RCAN2: variants seen among roughly 807,000 people sequenced by gnomAD.
RCAN2 encodes calcipressin-2.
In RCAN2, 9 loss-of-function variants were observed where a neutral mutation model predicts 23.6. That is an observed-to-expected ratio of 0.38 (90% confidence interval 0.23 to 0.67). RCAN2 has a LOEUF of 0.67. Among genes scored for constraint, RCAN2 ranks in the 30% least tolerant of loss-of-function variants. The pLI is 0.51. For synonymous variants in RCAN2, 109 were observed against 115.7 expected (o/e 0.94, Z 0.37); for missense variants, 273 against 302.3 (o/e 0.90, Z 0.72).
rs1251691738 is a variant in RCAN2, at chr6:46,220,833, A to AAAG, written c.*2305_*2307dup. ...AATCTTCCCCTTCCCCTTCATTGTTAAAGTTTTCAAACTTAAAATAGTGCT... is the reference window on the plus strand; with the variant it reads ...AATCTTCCCCTTCCCCTTCATTGTTAAAGAAGTTTTCAAACTTAAAATAGTGCT... On this transcript the variant is annotated 3_prime_UTR_variant, in exon 5 of 5. Coordinates refer to ENST00000371374, the MANE Select transcript of RCAN2 (RefSeq NM_001251974.2). 1.0e-4 allele frequency: 16 copies of AAAG among 152,694 alleles called. No homozygotes were observed. Among genetic ancestry groups the AAAG allele is most frequent in the Non-Finnish European group, 2.1e-4 (14 of 68,040 alleles). 9.5% of individuals were successfully genotyped at this position (152,694 alleles called of 1,614,324 possible).
At chr6:46,302,310 G>T (rs1022168386) in intron 2 of RCAN2, among the ~76,000 whole-genome samples, 49 of 152,106 alleles carry the variant, frequency 3.2e-4, no homozygotes, top group African/African-American at 1.1e-3. Context: ...TTTTGGCCAT[G>T]TTAAGTATGA....
chr6:46,450,012 A>G (rs1409806522), intron 2 of RCAN2, among the ~76,000 whole-genome samples: 1 of 151,936 alleles, frequency 6.6e-6, no homozygotes, highest in East Asian at 1.9e-4. Context: ...GAAACAATCA[A>G]TGGAGAAAAT....
At chr6:46,306,545 T>C (rs1763075228) in intron 2 of RCAN2, among the ~76,000 whole-genome samples, 1 of 152,152 alleles carries the variant, frequency 6.6e-6, no homozygotes, top group Non-Finnish European at 1.5e-5. Context: ...TTACATCACA[T>C]ATTGAAAGTC....
chr6:46,416,767 C>T (rs1766727781), intron 2 of RCAN2, among the ~76,000 whole-genome samples: 1 of 152,096 alleles, frequency 6.6e-6, no homozygotes, highest in South Asian at 2.1e-4. Flanking sequence ...AGCGATCCGC[C>T]CACCTTGGCC....
At chr6:46,249,137 T>C (rs2150318577) in intron 2 of RCAN2, among the ~76,000 whole-genome samples, 1 of 151,680 alleles carries the variant, frequency 6.6e-6, no homozygotes, top group South Asian at 2.1e-4. Flanking sequence ...TCAAAGTATA[T>C]GAAACAAATG....
rs1233920029 is a variant in RCAN2, at chr6:46,297,505, A to G, written c.226-48609T>C. ...TGCACAGTCCGGGTGGGTAGAATAGACACCCCCCGCTTTGCCTAAAGAAAG... is the reference window on the plus strand; with the variant it reads ...TGCACAGTCCGGGTGGGTAGAATAGGCACCCCCCGCTTTGCCTAAAGAAAG... On this transcript the variant is annotated intron_variant, in intron 2 of 4. Transcript: ENST00000371374. Among the ~76,000 whole-genome samples the G allele has an allele frequency of 1.2e-4, 18 of 152,024 alleles. 1 individual carries two copies. The highest frequency in any genetic ancestry group is 1.1e-3 in the Admixed American group (16 of 15,232).
chr6:46,436,311 C>A (rs987661307), intron 2 of RCAN2, among the ~76,000 whole-genome samples: 1 of 152,242 alleles, frequency 6.6e-6, no homozygotes, highest in African/African-American at 2.4e-5. Context: ...CTCCTGGGTT[C>A]AAGCAATTCT....
At position 46,473,602 on chromosome 6, in the gene RCAN2, C is replaced by T. The variant is rs953226231; in HGVS notation, c.-2-16624G>A. 2.6e-5 allele frequency among the ~76,000 whole-genome samples: 4 copies of T among 152,272 alleles called. No individual in the cohort carries two copies. The East Asian group carries it at 5.8e-4, about 22-fold the overall frequency. ...AATGGCAGTGCTAGTCCAGTATATG[C>T]TCAGTGGGTTTATAACCTCAGTAGT... On this transcript the variant is annotated intron_variant, in intron 1 of 4. Coordinates refer to ENST00000371374, the MANE Select transcript of RCAN2 (RefSeq NM_001251974.2).
chr6:46,401,376 A>G (rs528254664), intron 2 of RCAN2, among the ~76,000 whole-genome samples: 1 of 152,302 alleles, frequency 6.6e-6, no homozygotes, highest in South Asian at 2.1e-4. Flanking sequence ...GGGTCCCCCT[A>G]CAGTTTGAAC....
intron 1 of RCAN2, among the ~76,000 whole-genome samples, chr6:46,463,429 T>C (rs1456015343): frequency 1.3e-5 from 2 of 152,198 alleles, no homozygotes; most frequent in African/African-American, 2.4e-5. Context: ...TATGTGTTAG[T>C]GAACTCCTTG....
intron 2 of RCAN2, among the ~76,000 whole-genome samples, chr6:46,387,275 T>G (rs890756885): frequency 1.4e-4 from 21 of 152,070 alleles, no homozygotes; most frequent in Non-Finnish European, 2.1e-4. Context: ...ACTAAAGAGC[T>G]TCTGCACAGC....
At chr6:46,437,132 G>A (rs1040710126) in intron 2 of RCAN2, among the ~76,000 whole-genome samples, 6 of 152,154 alleles carry the variant, frequency 3.9e-5, no homozygotes, top group Non-Finnish European at 7.3e-5. Context: ...AAAGTGCCAC[G>A]TAAAATAAAT....
chr6:46,460,312 T>C (rs1768171219), intron 1 of RCAN2, among the ~76,000 whole-genome samples: 1 of 152,216 alleles, frequency 6.6e-6, no homozygotes, highest in African/African-American at 2.4e-5. Context: ...TCCTCCCATT[T>C]TGGTTTCACA....
rs138051809 is a variant in RCAN2 at position 46,293,051 on chromosome 6, A to G, written c.226-44155T>C. Among the ~76,000 whole-genome samples the G allele has an allele frequency of 5.5e-3, 834 of 152,080 alleles. 5 individuals are homozygous for G. Among genetic ancestry groups the G allele is most frequent in the African/African-American group, 0.019 (768 of 41,482 alleles). The stretch of plus-strand genomic sequence containing the variant: ...ATCCATGTCCCTGCAAAAGTTATGA[A>G]CTCATCCTTTTTTAATGGTTGTATA... On this transcript the variant is annotated intron_variant, in intron 2 of 4. Transcript: ENST00000371374.
At position 46,344,481 on chromosome 6, in the gene RCAN2, TATTG is replaced by T. The variant is rs1449179641; in HGVS notation, c.226-95589_226-95586del. Among the ~76,000 whole-genome samples the T allele has an allele frequency of 2.9e-5, 4 of 136,988 alleles. No individual in the cohort carries two copies. In the South Asian group the frequency reaches 7.2e-4, roughly 25 times the overall value. The allele number at this position is 136,988 out of a possible 152,430, so 89.9% of individuals were successfully genotyped here. A position where few individuals can be genotyped will look rare whatever the true frequency, so the allele number is the denominator to read the frequency against. On this transcript the variant is annotated intron_variant, in intron 2 of 4. Coordinates refer to ENST00000371374, the MANE Select transcript of RCAN2 (RefSeq NM_001251974.2). ...TTATTTTAAAAATTATTAAAAATAC[TATTG>T]ATTATTAAAAGCAAAAAAATGAATT... is the stretch of plus-strand genomic sequence containing the variant.
intron 1 of RCAN2, among the ~76,000 whole-genome samples, chr6:46,460,477 C>T (rs566763843): frequency 6.6e-6 from 1 of 152,294 alleles, no homozygotes; most frequent in African/African-American, 2.4e-5. Flanking sequence ...TGAGGTTGGC[C>T]ATCCAAAGGA....
At chr6:46,305,199 G>C (rs1340197265) in intron 2 of RCAN2, among the ~76,000 whole-genome samples, 1 of 152,074 alleles carries the variant, frequency 6.6e-6, no homozygotes, top group African/African-American at 2.4e-5. Context: ...GAAACCACTT[G>C]GTAGTCAATG....
At position 46,467,860 on chromosome 6, in the gene RCAN2, A is replaced by G. The variant is rs115479332; in HGVS notation, c.-2-10882T>C. Among the ~76,000 whole-genome samples the G allele has an allele frequency of 5.5e-3, 840 of 152,380 alleles. 9 individuals carry two copies. The highest frequency in any genetic ancestry group is 0.019 in the African/African-American group (789 of 41,596). ...ACCTCCACAGTGAAAAAATGCAAGA[A>G]CACTGAAGTCAGACAGACTCAGACT... On this transcript the variant is annotated intron_variant, in intron 1 of 4. Coordinates refer to ENST00000371374, the MANE Select transcript of RCAN2 (RefSeq NM_001251974.2).
intron 2 of RCAN2, among the ~76,000 whole-genome samples, chr6:46,329,157 T>G (rs1270533789): frequency 2.6e-5 from 4 of 152,228 alleles, no homozygotes; most frequent in African/African-American, 9.6e-5. Flanking sequence ...TCAGGCCCTT[T>G]GCACTTGCTA....
Sources: gnomAD v4.1 joint callset for allele counts (sites outside exome capture counted in the v4.1 genomes callset) on GRCh38, gnomAD v4.1.1 for gene constraint, MANE v1.5 for transcripts, NCBI Gene and HGNC (gene_info 2026-07-23, HGNC 2026-07-21) for gene names.